Variants in MINPP1 observed in about 807,000 individuals in gnomAD.
MINPP1 encodes multiple inositol-polyphosphate phosphatase 1.
A neutral mutation model predicts 46.1 loss-of-function variants in MINPP1; 28 were observed. The observed-to-expected ratio is 0.61, with a 90% CI of 0.45 to 0.83. The LOEUF (loss-of-function observed/expected upper bound fraction) is 0.83. Among genes scored for constraint, MINPP1 ranks in the 40% least tolerant of loss-of-function variants. The pLI is 0.00. For missense variants in MINPP1, 603 were observed against 610.0 expected (o/e 0.99, Z 0.12); for synonymous variants, 268 against 249.1 (o/e 1.08, Z -0.72).
At chr10:87,508,089 T>G (rs899331593) in intron 1 of MINPP1, 5 of 1,490,690 alleles carry the variant, frequency 3.4e-6, no homozygotes, top group Non-Finnish European at 1.8e-6. Context: ...TTGCGTAGCA[T>G]CTCTACAACA....
At chr10:87,523,857 G>A (rs1448448472) in intron 4 of MINPP1, among the ~76,000 whole-genome samples, 2 of 152,172 alleles carry the variant, frequency 1.3e-5, no homozygotes, top group Admixed American at 1.3e-4. Flanking sequence ...CTTTCTTTCT[G>A]AGCAGGAGGT....
chr10:87,507,258 A>C (rs1851265376), intron 1 of MINPP1, among the ~76,000 whole-genome samples: 1 of 152,258 alleles, frequency 6.6e-6, no homozygotes, highest in Non-Finnish European at 1.5e-5. Context: ...GCTGAATTAG[A>C]TTTGTAGTTT....
At chr10:87,507,941 CTT>C in intron 1 of MINPP1, 1 of 1,303,534 alleles carries the variant, frequency 7.7e-7, no homozygotes, top group Non-Finnish European at 9.7e-7. Context: ...TAGACTTTGG[CTT>C]AGAGTGAAAA....
intron 3 of MINPP1, among the ~76,000 whole-genome samples, chr10:87,518,535 A>G (rs1851447069): frequency 6.6e-6 from 1 of 151,760 alleles, no homozygotes; most frequent in South Asian, 2.1e-4. Context: ...TCTGTGACCA[A>G]ATGTGTGGGA....
chr10:87,507,568 G>A (rs1457223440), intron 1 of MINPP1, among the ~76,000 whole-genome samples: 1 of 152,016 alleles, frequency 6.6e-6, no homozygotes, highest in Non-Finnish European at 1.5e-5. Context: ...GTACAAAAAT[G>A]ATATACTTGG....
chr10:87,523,048 C>G (rs1217871728), intron 4 of MINPP1, among the ~76,000 whole-genome samples: 1 of 152,142 alleles, frequency 6.6e-6, no homozygotes, highest in Non-Finnish European at 1.5e-5. Context: ...CATGATATTG[C>G]AGTAATTCAG....
intron 4 of MINPP1, among the ~76,000 whole-genome samples, chr10:87,531,056 G>T (rs1335368668): frequency 3.3e-5 from 5 of 152,200 alleles, no homozygotes; most frequent in African/African-American, 1.2e-4. Flanking sequence ...TTGGAAAAGT[G>T]CAGTATTAGG....
In MINPP1 at chr10:87,552,396, A is replaced by G; in HGVS notation, c.1382A>G (p.His461Arg). Reference sequence around the variant, plus strand: ...TCATTTTATGAAGATCTGAAGAACCACTACAAGGACATCCTTCAGAGTTGT... The same window carrying G: ...TCATTTTATGAAGATCTGAAGAACCGCTACAAGGACATCCTTCAGAGTTGT... ...TVSFYEDLKNHYKDILQSCQT... is the reference protein window; with the variant it reads ...TVSFYEDLKNRYKDILQSCQT... The change falls in exon 5 of 5, where the codon CAC becomes CGC. Residue 461 changes from histidine to arginine, a missense_variant. By Grantham distance (29) the His-to-Arg change is conservative (BLOSUM62 0). Transcript: ENST00000371996. 1 of 1,613,440 alleles carries G rather than the reference A, an allele frequency of 6.2e-7. No homozygotes were observed. The highest frequency in any genetic ancestry group is 8.5e-7 in the Non-Finnish European group (1 of 1,179,626).
chr10:87,540,583 G>A (rs1270713145), intron 4 of MINPP1, among the ~76,000 whole-genome samples: 1 of 152,012 alleles, frequency 6.6e-6, no homozygotes, highest in Non-Finnish European at 1.5e-5. Flanking sequence ...ATTGTTGCCA[G>A]TATTTTGGGC....
rs1851784950 is a variant in MINPP1 at position 87,539,642 on chromosome 10, C to G, written c.1068-12440C>G. On this transcript the variant is annotated intron_variant, in intron 4 of 4. Transcript: ENST00000371996. ...AGACACATTATTCCTCAGGATGTCA[C>G]ATTGTAATATATAGCACGGGGATTC... 2.0e-5 allele frequency among the ~76,000 whole-genome samples: 3 copies of G among 152,276 alleles called. No individual in the cohort carries two copies. In the South Asian group the frequency reaches 6.2e-4, roughly 32 times the overall value.
chr10:87,514,492 T>G (rs1216310269), intron 3 of MINPP1, among the ~76,000 whole-genome samples: 1 of 152,232 alleles, frequency 6.6e-6, no homozygotes, highest in Non-Finnish European at 1.5e-5. Context: ...TTTAGTCTCG[T>G]TTAACCTGAA....
chr10:87,506,991 A>G (rs1173381706), intron 1 of MINPP1, among the ~76,000 whole-genome samples: 3 of 152,198 alleles, frequency 2.0e-5, no homozygotes, highest in Non-Finnish European at 4.4e-5. Context: ...AGAATGGTGA[A>G]AGCAGAACAT....
rs1851230239 is a variant in MINPP1 at position 87,505,476 on chromosome 10, C to T, written c.561C>T (p.Cys187=). ...TCATCACCAGTTCCAAGCACCGCTG[C>T]ATGGATAGCAGCGCCGCCTTCCTGC... The part of the protein sequence containing the change: ...LRLITSSKHR[C]MDSSAAFLQG... The change falls in exon 1 of 5, where the codon TGC becomes TGT. Residue 187 remains cysteine, a synonymous_variant. Coordinates refer to ENST00000371996, the MANE Select transcript of MINPP1 (RefSeq NM_004897.5). The surrounding 1 kb of genome is among the most constrained non-coding windows in gnomAD (Gnocchi z 4.4). 6.2e-7 allele frequency: 1 copy of T among 1,613,030 alleles called. No individual in the cohort carries two copies. Among genetic ancestry groups the T allele is most frequent in the Non-Finnish European group, 8.5e-7 (1 of 1,179,580 alleles).
At position 87,505,297 on chromosome 10, in the gene MINPP1, G is replaced by C; in HGVS notation, c.382G>C (p.Gly128Arg). Residue 128 changes from glycine to arginine, a missense_variant, in exon 1 of 5, where the codon GGT (glycine) becomes CGT (arginine). Coordinates refer to ENST00000371996, the MANE Select transcript of MINPP1 (RefSeq NM_004897.5). The surrounding 1 kb of genome is among the most constrained non-coding windows in gnomAD (Gnocchi z 4.4). ...TAGTAGTACCGGCAGCCGCGACCTG[G>C]GTGCAGCGCTGGCCGACTGGCCTTT... ...GASSTGSRDL[G>R]AALADWPLWY... 1.2e-6 allele frequency: 2 copies of C among 1,611,012 alleles called. No individual in the cohort carries two copies. Among genetic ancestry groups the C allele is most frequent in the Non-Finnish European group, 1.7e-6 (2 of 1,177,672 alleles).
At chr10:87,517,936 A>G (rs1273666645) in intron 3 of MINPP1, among the ~76,000 whole-genome samples, 2 of 150,330 alleles carry the variant, frequency 1.3e-5, no homozygotes, top group Non-Finnish European at 3.0e-5. Flanking sequence ...TGTTGGGATT[A>G]CAGGTGTGAG....
intron 4 of MINPP1, among the ~76,000 whole-genome samples, chr10:87,530,002 C>T (rs1409601472): frequency 1.3e-5 from 2 of 152,208 alleles, no homozygotes; most frequent in African/African-American, 2.4e-5. Flanking sequence ...GAATCGGCTA[C>T]TGAAGCTTGT....
chr10:87,520,928 A>G, intron 3 of MINPP1, 108 bp from the exon 4 acceptor site: 1 of 611,212 alleles, frequency 1.6e-6, no homozygotes, highest in East Asian at 2.9e-5. Flanking sequence ...TATTTTGTGC[A>G]GAATGGTAAT....
In MINPP1 at chr10:87,552,219, A is replaced by G; in HGVS notation, c.1205A>G (p.Lys402Arg). ...AATTACAAAAAACAAATGCATCGGA[A>G]GTTCCGAAGTGGTCTCATTGTACCT... is the stretch of plus-strand genomic sequence containing the variant. ...AYNYKKQMHR[K>R]FRSGLIVPYA... is the part of the protein sequence containing the mutation. Residue 402 changes from lysine to arginine, a missense_variant, in exon 5 of 5, where the codon AAG (lysine) becomes AGG (arginine). Transcript: ENST00000371996. 1.9e-6 allele frequency: 3 copies of G among 1,613,876 alleles called. No homozygotes were observed. Among genetic ancestry groups the G allele is most frequent in the Non-Finnish European group, 2.5e-6 (3 of 1,179,832 alleles).
chr10:87,520,614 G>C (rs974713965), intron 3 of MINPP1, among the ~76,000 whole-genome samples: 2 of 151,920 alleles, frequency 1.3e-5, no homozygotes. Flanking sequence ...GTGCTTTAAT[G>C]AATATTCTTC....
Sources: gnomAD v4.1 joint callset for allele counts (sites outside exome capture counted in the v4.1 genomes callset) on GRCh38, gnomAD v4.1.1 for gene constraint, Gnocchi (gnomAD v3.1) non-coding constraint, MANE v1.5 for transcripts, NCBI Gene and HGNC (gene_info 2026-07-23, HGNC 2026-07-21) for gene names.